The following MLEC variants were observed in gnomAD, a reference collection of about 807,000 sequenced individuals.
The protein encoded by MLEC is oligosaccharyltransferase complex subunit (non-catalytic).
Under a neutral mutation model 28.7 loss-of-function variants are expected in MLEC, and 7 were observed. That is an observed-to-expected ratio of 0.24 (90% confidence interval 0.14 to 0.46). The LOEUF is 0.46. MLEC is among the 20% of genes least tolerant of loss of function. The pLI is 0.99. For missense variants in MLEC, 237 were observed against 391.1 expected, an observed-to-expected ratio of 0.61 and a Z score of 3.32; for synonymous variants, 142 against 164.4, an observed-to-expected ratio of 0.86 and a Z score of 1.04.
Position 120,687,791 on chromosome 12 carries a change from C to G in MLEC, c.235+260C>G, listed in dbSNP as rs1881886729. 6.6e-6 allele frequency among the ~76,000 whole-genome samples: 1 copy of G among 152,218 alleles called. No individual in the cohort carries two copies. The highest frequency in any genetic ancestry group is 1.5e-5 in the Non-Finnish European group (1 of 68,036). ...CATCCTGCATTTTCTCAACCCCTCA[C>G]TCCCATCCAAGCTGGGAGAGAAATG... On this transcript the variant is annotated intron_variant, in intron 1 of 4. Transcript: ENST00000228506. This position sits in a 1 kb window ranked among gnomAD's most constrained non-coding sequence, Gnocchi z 8.1.
In MLEC at chr12:120,694,025, C is replaced by T. The variant is rs559964802; in HGVS notation, c.236-66C>T. On this transcript the variant is annotated intron_variant, in intron 1 of 4. Transcript: ENST00000228506. The surrounding 1 kb of genome is among the most constrained non-coding windows in gnomAD (Gnocchi z 4.5). Reference sequence around the variant, plus strand: ...TGCCCTGGAAATGCCTCTGGCTGTTCTGGGGTCTTTGCTTTTCTTTTGTGT... The same window carrying T: ...TGCCCTGGAAATGCCTCTGGCTGTTTTGGGGTCTTTGCTTTTCTTTTGTGT... 6.8e-7 allele frequency: 1 copy of T among 1,478,720 alleles called. No individual in the cohort carries two copies. Among genetic ancestry groups the T allele is most frequent in the Non-Finnish European group, 9.2e-7 (1 of 1,087,534 alleles). 91.6% of individuals were successfully genotyped at this position (1,478,720 alleles called of 1,614,324 possible). A position where few individuals can be genotyped will look rare whatever the true frequency, so the allele number is the denominator to read the frequency against.
At chr12:120,689,043 G>A (rs1040367682) in intron 1 of MLEC, among the ~76,000 whole-genome samples, 1 of 152,234 alleles carries the variant, frequency 6.6e-6, no homozygotes, top group Non-Finnish European at 1.5e-5. Context: ...AGGGTGCTGA[G>A]CGGATGGTTT....
rs1882405277 is a variant in MLEC, at chr12:120,700,509, G to A, written c.*3964G>A. On this transcript the variant is annotated 3_prime_UTR_variant, in exon 5 of 5. Transcript: ENST00000228506. This position sits in a 1 kb window ranked among gnomAD's most constrained non-coding sequence, Gnocchi z 4.0. ...GGCTTTCTCCTTCTGTGGCCCCGGA[G>A]GAAGGAGAGACTGAGGCAAGGCAAA... 1.3e-5 allele frequency: 2 copies of A among 152,232 alleles called. No homozygotes were observed. Among genetic ancestry groups the A allele is most frequent in the Middle Eastern group, 3.4e-3 (1 of 294 alleles). 9.4% of individuals were successfully genotyped at this position (152,232 alleles called of 1,614,324 possible).
At position 120,694,689 on chromosome 12, in the gene MLEC, C is replaced by T; in HGVS notation, c.415-135C>T. On this transcript the variant is annotated intron_variant, in intron 2 of 4. Coordinates refer to ENST00000228506, the MANE Select transcript of MLEC (RefSeq NM_014730.4). The surrounding 1 kb of genome is among the most constrained non-coding windows in gnomAD (Gnocchi z 4.5). ...TTTGACCCGGGTTAAGGATGCTAACCACCCTGGATATCCAGACCCATCATT... is the reference window on the plus strand; with the variant it reads ...TTTGACCCGGGTTAAGGATGCTAACTACCCTGGATATCCAGACCCATCATT... 1.2e-6 allele frequency: 1 copy of T among 856,126 alleles called. No individual in the cohort carries two copies. Among genetic ancestry groups the T allele is most frequent in the Non-Finnish European group, 1.8e-6 (1 of 550,076 alleles). 53.0% of individuals were successfully genotyped at this position (856,126 alleles called of 1,614,324 possible).
Position 120,696,442 on chromosome 12 carries a change from G to A in MLEC, c.776G>A (p.Arg259His), listed in dbSNP as rs1882236923. Residue 259 changes from arginine (R) to histidine (H), a missense_variant, in exon 5 of 5, where the codon CGC becomes CAC. Coordinates refer to ENST00000228506, the MANE Select transcript of MLEC (RefSeq NM_014730.4). The surrounding 1 kb of genome is among the most constrained non-coding windows in gnomAD (Gnocchi z 5.4). ...TNKNRVQSGPRTPNPYASDNS... is the reference protein window; with the variant it reads ...TNKNRVQSGPHTPNPYASDNS... ...AAGAACCGGGTGCAGTCAGGCCCCC[G>A]CACACCCAACCCCTATGCCTCGGAC... 1 of 1,614,068 alleles carries A rather than the reference G, an allele frequency of 6.2e-7. No homozygotes were observed. The highest frequency in any genetic ancestry group is 8.5e-7 in the Non-Finnish European group (1 of 1,180,006).
Position 120,696,236 on chromosome 12 carries a change from T to C in MLEC, c.650-80T>C, listed in dbSNP as rs1882224979. 6.5e-7 allele frequency: 1 copy of C among 1,549,822 alleles called. No individual in the cohort carries two copies. The highest frequency in any genetic ancestry group is 8.7e-7 in the Non-Finnish European group (1 of 1,144,660). On this transcript the variant is annotated intron_variant, in intron 4 of 4. Transcript: ENST00000228506. This position sits in a 1 kb window ranked among gnomAD's most constrained non-coding sequence, Gnocchi z 5.4. ...GGGTTCAATCACAGCAATCTCTTTA[T>C]TGTGGCTTATTTGCTGCTTTTAAGG... is the stretch of plus-strand genomic sequence containing the variant.
Position 120,694,201 on chromosome 12 carries a change from A to G in MLEC, c.346A>G (p.Lys116Glu). 1 of 1,614,176 alleles carries G rather than the reference A, an allele frequency of 6.2e-7. No individual in the cohort carries two copies. The highest frequency in any genetic ancestry group is 8.5e-7 in the Non-Finnish European group (1 of 1,180,030). Residue 116 changes from lysine to glutamate, a missense_variant, in exon 2 of 5, where the codon AAA becomes GAA. Lys to Glu is a moderately conservative substitution (Grantham distance 56). Transcript: ENST00000228506. This position sits in a 1 kb window ranked among gnomAD's most constrained non-coding sequence, Gnocchi z 4.5. Reference protein sequence around the residue: ...EETFGYEVPIKEEGDYVLVLK... With the variant: ...EETFGYEVPIEEEGDYVLVLK... ...GACCTTTGGCTACGAAGTGCCCATC[A>G]AAGAGGAGGGGGACTACGTGCTGGT...
rs186563826 is a variant in MLEC at position 120,694,329 on chromosome 12, C to T, written c.414+60C>T. On this transcript the variant is annotated intron_variant, in intron 2 of 4. Transcript: ENST00000228506. This position sits in a 1 kb window ranked among gnomAD's most constrained non-coding sequence, Gnocchi z 4.5. The stretch of plus-strand genomic sequence containing the variant: ...GACATTGCTGCTCTTGGACAATCCA[C>T]GATTATGGGGCTAGAGAGTGTGAGA... The T allele has an allele frequency of 3.1e-5, 47 of 1,533,666 alleles. No homozygotes were observed. Among genetic ancestry groups the T allele is most frequent in the Middle Eastern group, 4.5e-4 (2 of 4,412 alleles).
intron 1 of MLEC, among the ~76,000 whole-genome samples, chr12:120,689,848 G>GT (rs1881972532): frequency 6.6e-6 from 1 of 152,212 alleles, no homozygotes; most frequent in Non-Finnish European, 1.5e-5. Context: ...ATGAATTCAG[G>GT]TATTTGTTAC....
chr12:120,688,635 T>C (rs3829290), intron 1 of MLEC, among the ~76,000 whole-genome samples: 90,655 of 152,216 alleles, frequency 0.6, 29,759 homozygotes, highest in African/African-American at 0.88. Flanking sequence ...CTTTCTCTCA[T>C]TCTTTTTCTG....
intron 1 of MLEC, among the ~76,000 whole-genome samples, chr12:120,691,096 T>C (rs61414515): frequency 0.034 from 5,222 of 152,328 alleles, 102 homozygotes; most frequent in South Asian, 0.061. Flanking sequence ...TGTGTTCTCA[T>C]GGAGGACAGG....
intron 1 of MLEC, 125 bp from the exon 2 acceptor site, chr12:120,693,966 G>C (rs1277166147): frequency 6.5e-6 from 5 of 768,882 alleles, no homozygotes; most frequent in Admixed American, 2.9e-5. Flanking sequence ...GGTGCAGAGT[G>C]GGTGGCCCCT....
Position 120,699,644 on chromosome 12 carries a change from C to T in MLEC, c.*3099C>T, listed in dbSNP as rs1882370853. 6.6e-6 allele frequency: 1 copy of T among 152,244 alleles called. No homozygotes were observed. The highest frequency in any genetic ancestry group is 2.1e-4 in the South Asian group (1 of 4,834). 9.4% of individuals were successfully genotyped at this position (152,244 alleles called of 1,614,324 possible). ...AAAAATCTCCATTGTTGAGGAGAGG[C>T]TGCTCAATCGACACCCCGAGTTCTC... On this transcript the variant is annotated 3_prime_UTR_variant, in exon 5 of 5. Coordinates refer to ENST00000228506, the MANE Select transcript of MLEC (RefSeq NM_014730.4).
chr12:120,690,876 T>G (rs527580081), intron 1 of MLEC, among the ~76,000 whole-genome samples: 2 of 152,336 alleles, frequency 1.3e-5, no homozygotes, highest in African/African-American at 2.4e-5. Flanking sequence ...ACAGGCAGGC[T>G]TCATCTGCAG....
At position 120,693,794 on chromosome 12, in the gene MLEC, G is replaced by C. The variant is rs542826458; in HGVS notation, c.236-297G>C. Among the ~76,000 whole-genome samples the C allele has an allele frequency of 1.5e-3, 221 of 152,196 alleles. 1 individual carries two copies. The highest frequency in any genetic ancestry group is 2.4e-3 in the Non-Finnish European group (161 of 68,036). On this transcript the variant is annotated intron_variant, in intron 1 of 4. Coordinates refer to ENST00000228506, the MANE Select transcript of MLEC (RefSeq NM_014730.4). Reference sequence around the variant, plus strand: ...TGGTAATGAGTTAGACTTGTTCTCCGTACAGTCAGGGGGAAAAAGTCATTT... The same window carrying C: ...TGGTAATGAGTTAGACTTGTTCTCCCTACAGTCAGGGGGAAAAAGTCATTT...
Position 120,687,425 on chromosome 12 carries a change from G to T in MLEC, c.129G>T (p.Gly43=). The T allele has an allele frequency of 7.1e-7, 1 of 1,399,306 alleles. No individual in the cohort carries two copies. Among genetic ancestry groups the T allele is most frequent in the Non-Finnish European group, 9.3e-7 (1 of 1,077,044 alleles). 86.7% of individuals were successfully genotyped at this position (1,399,306 alleles called of 1,614,324 possible). The part of the protein sequence containing the change: ...VAGVAGAAGA[G]LPESVIWAVN... The stretch of plus-strand genomic sequence containing the variant: ...GCGTGGCCGGCGCGGCGGGGGCCGG[G>T]CTGCCCGAGAGCGTCATTTGGGCGG... Residue 43 remains glycine, a synonymous_variant, in exon 1 of 5, where the codon GGG becomes GGT. Coordinates refer to ENST00000228506, the MANE Select transcript of MLEC (RefSeq NM_014730.4). This position sits in a 1 kb window ranked among gnomAD's most constrained non-coding sequence, Gnocchi z 8.1.
At position 120,698,203 on chromosome 12, in the gene MLEC, G is replaced by A. The variant is rs1319842012; in HGVS notation, c.*1658G>A. On this transcript the variant is annotated 3_prime_UTR_variant, in exon 5 of 5. Coordinates refer to ENST00000228506, the MANE Select transcript of MLEC (RefSeq NM_014730.4). ...TTTTCTAGAATGTGTTTAATTTTGA[G>A]TTTGCTTTATTAGATATGTTTTTTA... 1 of 152,142 alleles carries A rather than the reference G, an allele frequency of 6.6e-6. No homozygotes were observed. The highest frequency in any genetic ancestry group is 1.5e-5 in the Non-Finnish European group (1 of 68,020). 9.4% of individuals were successfully genotyped at this position (152,142 alleles called of 1,614,324 possible).
chr12:120,695,653 T>C (rs1244490563), intron 4 of MLEC, among the ~76,000 whole-genome samples: 1 of 152,230 alleles, frequency 6.6e-6, no homozygotes, highest in Non-Finnish European at 1.5e-5. Flanking sequence ...TATTTCTTTC[T>C]CAGGGTTTAG....
chr12:120,690,130 G>T (rs1193477992), intron 1 of MLEC, among the ~76,000 whole-genome samples: 1 of 152,126 alleles, frequency 6.6e-6, no homozygotes, highest in Admixed American at 6.5e-5. Flanking sequence ...TGGGGTTTTG[G>T]TATGAGGCAC....
Sources: allele counts gnomAD v4.1 joint callset (sites outside exome capture counted in the v4.1 genomes callset), GRCh38; gene constraint gnomAD v4.1.1; non-coding constraint Gnocchi (gnomAD v3.1); transcripts MANE v1.5; gene names NCBI Gene and HGNC (gene_info 2026-07-23, HGNC 2026-07-21).